C2CD5: variants seen among roughly 807,000 people sequenced by gnomAD.
The protein encoded by C2CD5 is C2 calcium dependent domain containing 5, also known as C2 domain-containing protein 5.
A neutral mutation model predicts 130.3 loss-of-function variants in C2CD5; 109 were observed. That is an observed-to-expected ratio of 0.84 (90% CI 0.72 to 0.98). The LOEUF (loss-of-function observed/expected upper bound fraction) is 0.98. C2CD5 is among the 50% of genes least tolerant of loss of function. C2CD5 has a pLI of 0.00. For synonymous variants in C2CD5, 454 were observed against 429.2 expected (o/e 1.06, Z -0.71); for missense variants, 996 against 1,261.8 (o/e 0.79, Z 3.19).
chr12:22,485,332 A>G lies in C2CD5; in HGVS notation c.1359-444T>C, dbSNP rs910569347. ...GAAGGGTAGTGGCAGGCTGGAGGGA[A>G]GGTGGGGATGGCTAATGGGTACAAA... On this transcript the variant is annotated intron_variant, in intron 12 of 26. Coordinates refer to ENST00000446597, the MANE Select transcript of C2CD5 (RefSeq NM_001286176.2). Among the ~76,000 whole-genome samples, 188 of 152,188 alleles carry G rather than the reference A, an allele frequency of 1.2e-3. 1 individual carries two copies. The highest frequency in any genetic ancestry group is 1.3e-4 in the Non-Finnish European group (9 of 67,970).
At chr12:22,531,549 C>G (rs1018535398) in intron 3 of C2CD5, among the ~76,000 whole-genome samples, 5 of 152,034 alleles carry the variant, frequency 3.3e-5, no homozygotes, top group Non-Finnish European at 7.4e-5. Flanking sequence ...TACTGACTTC[C>G]AGTTCAATGT....
chr12:22,542,752 T>C lies in C2CD5; in HGVS notation c.90+1309A>G, dbSNP rs1280808379. On this transcript the variant is annotated intron_variant, in intron 2 of 26. Transcript: ENST00000446597. ...GTGGAGGTTTGCAAGCTATGTAACC[T>C]TAAGCAAATTATTTACCCTTCCTGG... Among the ~76,000 whole-genome samples the C allele has an allele frequency of 3.3e-5, 5 of 152,214 alleles. 1 individual carries two copies. In the South Asian group the frequency reaches 6.2e-4, roughly 19 times the overall value.
chr12:22,534,415 A>G (rs1951630359), intron 3 of C2CD5, among the ~76,000 whole-genome samples: 1 of 152,240 alleles, frequency 6.6e-6, no homozygotes, highest in South Asian at 2.1e-4. Flanking sequence ...GCATCAAAGA[A>G]AATTATCAAG....
chr12:22,491,903 A>G (rs888955268), intron 11 of C2CD5, among the ~76,000 whole-genome samples: 1 of 151,964 alleles, frequency 6.6e-6, no homozygotes, highest in African/African-American at 2.4e-5. Flanking sequence ...CAACAACAAA[A>G]AACATTTTTC....
intron 22 of C2CD5, among the ~76,000 whole-genome samples, chr12:22,467,618 A>C (rs1351008543): frequency 6.6e-6 from 1 of 152,242 alleles, no homozygotes; most frequent in Non-Finnish European, 1.5e-5. Flanking sequence ...ACTGAGGCTC[A>C]AAGAGGTTAA....
At chr12:22,520,699 C>T (rs1257757819) in intron 7 of C2CD5, among the ~76,000 whole-genome samples, 3 of 151,978 alleles carry the variant, frequency 2.0e-5, no homozygotes, top group African/African-American at 7.2e-5. Context: ...CAGTAGTATA[C>T]ACAGGAGAAT....
At chr12:22,541,545 G>C (rs1369145538) in intron 2 of C2CD5, among the ~76,000 whole-genome samples, 1 of 152,030 alleles carries the variant, frequency 6.6e-6, no homozygotes, top group Non-Finnish European at 1.5e-5. Context: ...CCAGCCACAC[G>C]CATTTTCCTT....
At chr12:22,509,567 A>G (rs1295627599) in intron 9 of C2CD5, among the ~76,000 whole-genome samples, 1 of 152,206 alleles carries the variant, frequency 6.6e-6, no homozygotes, top group East Asian at 1.9e-4. Context: ...TAAAAATGTC[A>G]TTGTTATTTA....
chr12:22,516,050 A>G (rs934474768), intron 8 of C2CD5, among the ~76,000 whole-genome samples: 1 of 105,140 alleles, frequency 9.5e-6, no homozygotes, highest in African/African-American at 7.2e-5. Flanking sequence ...CTACAAACAG[A>G]AAAAAAAAAA....
intron 22 of C2CD5, chr12:22,460,491 C>A (rs1169094754): frequency 6.6e-6 from 1 of 152,084 alleles, no homozygotes; most frequent in Non-Finnish European, 1.5e-5. Flanking sequence ...AAAAACTTTT[C>A]AAAACATTAT....
chr12:22,540,891 T>C (rs1952307925), intron 2 of C2CD5, among the ~76,000 whole-genome samples: 1 of 152,062 alleles, frequency 6.6e-6, no homozygotes, highest in African/African-American at 2.4e-5. Flanking sequence ...CAAAAACAAA[T>C]ACTTCTATTT....
chr12:22,537,776 T>C (rs1190300840), intron 2 of C2CD5, among the ~76,000 whole-genome samples: 2 of 152,198 alleles, frequency 1.3e-5, no homozygotes, highest in Non-Finnish European at 2.9e-5. Context: ...AAATATTCAT[T>C]AAATATTTAC....
chr12:22,457,708 AT>A (rs781781176), intron 24 of C2CD5, among the ~76,000 whole-genome samples: 1 of 152,194 alleles, frequency 6.6e-6, no homozygotes, highest in African/African-American at 2.4e-5. Flanking sequence ...AAGTAAAAAA[AT>A]AATAGCTACC....
intron 4 of C2CD5, 105 bp from the exon 5 acceptor site, chr12:22,525,810 T>G: frequency 1.4e-6 from 1 of 694,734 alleles, no homozygotes; most frequent in Non-Finnish European, 2.5e-6. Context: ...TACAATGATT[T>G]AACTCACAAT....
chr12:22,498,279 G>A (rs1041443572), intron 10 of C2CD5, among the ~76,000 whole-genome samples: 4 of 152,000 alleles, frequency 2.6e-5, no homozygotes, highest in East Asian at 3.9e-4. Context: ...TGTACAGGAC[G>A]TCTGCCTGGC....
intron 7 of C2CD5, chr12:22,519,078 G>GC: frequency 6.6e-7 from 1 of 1,519,880 alleles, no homozygotes; most frequent in Non-Finnish European, 8.8e-7. Context: ...CCCGTGGCCT[G>GC]CATCTCCCCA....
chr12:22,513,522 C>G, intron 8 of C2CD5, 143 bp from the exon 9 acceptor site: 1 of 635,602 alleles, frequency 1.6e-6, no homozygotes, highest in Non-Finnish European at 2.9e-6. Context: ...ACAAATAAAG[C>G]ACATATTTTA....
chr12:22,535,100 C>A, intron 3 of C2CD5, 158 bp downstream of exon 3: 1 of 610,234 alleles, frequency 1.6e-6, no homozygotes, highest in Non-Finnish European at 2.9e-6. Context: ...TGTAATACAA[C>A]TTTTTTTAGA....
At chr12:22,513,408 C>T (rs776855315) in intron 8 of C2CD5, 29 bp from the exon 9 acceptor site, 6 of 1,423,252 alleles carry the variant, frequency 4.2e-6, no homozygotes, top group Non-Finnish European at 4.0e-6. Context: ...TAAATAACAA[C>T]CAAAAAAGCA....
Sources: gnomAD v4.1 joint callset for allele counts (sites outside exome capture counted in the v4.1 genomes callset) on GRCh38, gnomAD v4.1.1 for gene constraint, MANE v1.5 for transcripts, NCBI Gene and HGNC (gene_info 2026-07-23, HGNC 2026-07-21) for gene names.